Variants in VCL observed in about 807,000 individuals in gnomAD.
The protein encoded by VCL is epididymis luminal protein 114.
A neutral mutation model predicts 125.7 loss-of-function variants in VCL; 47 were observed. That is an observed-to-expected ratio of 0.37 (90% CI 0.30 to 0.48). The LOEUF is 0.48. Ranked by LOEUF, VCL falls within the 20% of genes least tolerant of loss-of-function variation. The pLI is 0.99. For synonymous variants in VCL, 458 were observed against 514.6 expected (o/e 0.89, Z 1.49); for missense variants, 1,069 against 1,455.5 (o/e 0.73, Z 4.32).
At chr10:74,037,864 G>GGTCTAAAACTGTATCA (rs1841011777) in intron 1 of VCL, among the ~76,000 whole-genome samples, 1 of 152,246 alleles carries the variant, frequency 6.6e-6, no homozygotes. Context: ...TTAGGATACA[G>GGTCTAAAACTGTATCA]TGAGGGTCTC....
rs1316658280 is a variant in VCL at position 74,119,880 on chromosome 10, G to GAT, written c.*1712_*1713dup. ...ATCACTTGTTGTTTTACTAAAGAAA[G>GAT]ATTACTTAGAGGAAATAAGAAAAAT... On this transcript the variant is annotated 3_prime_UTR_variant, in exon 22 of 22. Coordinates refer to ENST00000211998, the MANE Select transcript of VCL (RefSeq NM_014000.3). The GAT allele has an allele frequency of 2.0e-5, 3 of 152,222 alleles. No individual in the cohort carries two copies. The highest frequency in any genetic ancestry group is 7.3e-5 in the African/African-American group (3 of 41,136). 9.4% of individuals were successfully genotyped at this position (152,222 alleles called of 1,614,324 possible). A position where few individuals can be genotyped will look rare whatever the true frequency, so the allele number is the denominator to read the frequency against.
chr10:74,004,240 T>TA (rs1302073182), intron 1 of VCL, among the ~76,000 whole-genome samples: 17 of 152,168 alleles, frequency 1.1e-4, no homozygotes, highest in Admixed American at 2.0e-4. Flanking sequence ...AAGGAAAAAA[T>TA]AGAGTAAATA....
intron 13 of VCL, among the ~76,000 whole-genome samples, chr10:74,099,282 C>G (rs1564530939): frequency 2.0e-5 from 3 of 152,200 alleles, no homozygotes; most frequent in Admixed American, 6.5e-5. Context: ...ATTTCTGGCC[C>G]TAGCTATACC....
intron 2 of VCL, among the ~76,000 whole-genome samples, chr10:74,051,135 C>T (rs1841291356): frequency 6.6e-6 from 1 of 151,592 alleles, no homozygotes. Flanking sequence ...AGATGGGTTA[C>T]ACCATGTTGG....
At chr10:74,068,430 T>C (rs893657438) in intron 2 of VCL, among the ~76,000 whole-genome samples, 17 of 152,088 alleles carry the variant, frequency 1.1e-4, no homozygotes, top group Admixed American at 9.8e-4. Flanking sequence ...GTTCAAGTGA[T>C]TCTCCTGCCT....
intron 1 of VCL, among the ~76,000 whole-genome samples, chr10:73,998,802 C>T (rs1840167856): frequency 6.6e-6 from 1 of 152,182 alleles, no homozygotes; most frequent in African/African-American, 2.4e-5. Context: ...TCTGGCTGTG[C>T]GGGGGAGGGA....
chr10:74,007,176 G>T (rs540166193), intron 1 of VCL, among the ~76,000 whole-genome samples: 13 of 152,190 alleles, frequency 8.5e-5, no homozygotes, highest in African/African-American at 3.1e-4. Context: ...ATGGGGTTTT[G>T]CCATGTTGCC....
At chr10:74,087,085 T>C (rs1393308648) in intron 8 of VCL, among the ~76,000 whole-genome samples, 1 of 152,044 alleles carries the variant, frequency 6.6e-6, no homozygotes, top group Non-Finnish European at 1.5e-5. Context: ...TGGACTCTTT[T>C]AACAAAAAGA....
At chr10:74,106,849 G>GT (rs1281234439) in intron 16 of VCL, among the ~76,000 whole-genome samples, 4 of 152,210 alleles carry the variant, frequency 2.6e-5, no homozygotes, top group African/African-American at 7.2e-5. Context: ...TTCAGGGAAT[G>GT]TATGTCCAAT....
chr10:74,049,175 A>G (rs1841251774), intron 2 of VCL, among the ~76,000 whole-genome samples: 1 of 152,168 alleles, frequency 6.6e-6, no homozygotes, highest in Non-Finnish European at 1.5e-5. Flanking sequence ...GTGTATAATA[A>G]TATCCCTCTC....
In VCL at chr10:74,105,257, C is replaced by T. The variant is rs753445972; in HGVS notation, c.2338C>T (p.Arg780Cys). 8 of 1,613,914 alleles carry T rather than the reference C, an allele frequency of 5.0e-6. No individual in the cohort carries two copies. In the Admixed American group the frequency reaches 5.0e-5, roughly 10 times the overall value. ...GGAGAATTCCGAGGATCCCAAGTTC[C>T]GTGAGGCTGTGAAAGCTGCCTCTGA... ...EVENSEDPKF[R>C]EAVKAASDEL... The change falls in exon 16 of 22, where the codon CGT (arginine) becomes TGT (cysteine). Residue 780 changes from arginine (R) to cysteine (C), a missense_variant. Physicochemically the swap from Arg to Cys is radical, Grantham distance 180. Around this residue, in one of 6 missense-constraint regions of VCL, gnomAD observed 760 missense variants for 928.9 expected, o/e 0.82. Coordinates refer to ENST00000211998, the MANE Select transcript of VCL (RefSeq NM_014000.3).
chr10:74,082,037 C>T (rs2136279925), intron 6 of VCL, among the ~76,000 whole-genome samples: 1 of 152,272 alleles, frequency 6.6e-6, no homozygotes, highest in Admixed American at 6.5e-5. Flanking sequence ...TGATTTGTGG[C>T]ACCACATACT....
chr10:74,040,263 T>G (rs1564515350), intron 1 of VCL, among the ~76,000 whole-genome samples: 1 of 152,224 alleles, frequency 6.6e-6, no homozygotes, highest in Non-Finnish European at 1.5e-5. Flanking sequence ...GCAGGAAACT[T>G]TTTTTTATTC....
At chr10:74,075,135 T>C in intron 6 of VCL, 1 of 540,918 alleles carries the variant, frequency 1.8e-6, no homozygotes, top group South Asian at 2.1e-5. Flanking sequence ...GATACTGGTT[T>C]AAGGCTGAGA....
intron 1 of VCL, among the ~76,000 whole-genome samples, chr10:74,014,527 G>A (rs1279268613): frequency 6.7e-6 from 1 of 148,484 alleles, no homozygotes; most frequent in African/African-American, 2.5e-5. Context: ...GAGCCACTAT[G>A]CCCGGCCAGT....
In VCL at chr10:74,074,746, T is replaced by A. The variant is rs751243981; in HGVS notation, c.626T>A (p.Met209Lys). 21 of 1,613,160 alleles carry A rather than the reference T, an allele frequency of 1.3e-5. No individual in the cohort carries two copies. The highest frequency in any genetic ancestry group is 1.8e-5 in the Non-Finnish European group (21 of 1,179,766). Residue 209 changes from methionine (M) to lysine (K), a missense_variant, in exon 6 of 22, where the codon ATG becomes AAG. Physicochemically the swap from Met to Lys is moderately conservative, Grantham distance 95 (BLOSUM62 -1). Around this residue, in one of 6 missense-constraint regions of VCL, gnomAD observed 760 missense variants for 928.9 expected, o/e 0.82. Coordinates refer to ENST00000211998, the MANE Select transcript of VCL (RefSeq NM_014000.3). ...TTCTGATCTTTTATTTTTACAGCTATGAAGATTTTTGTAACAACTAAAAAC... is the reference window on the plus strand; with the variant it reads ...TTCTGATCTTTTATTTTTACAGCTAAGAAGATTTTTGTAACAACTAAAAAC... Reference protein sequence around the residue: ...KELLPVLISAMKIFVTTKNSK... With the variant: ...KELLPVLISAKKIFVTTKNSK...
intron 2 of VCL, among the ~76,000 whole-genome samples, chr10:74,062,219 C>G (rs1260960014): frequency 6.6e-6 from 1 of 151,976 alleles, no homozygotes; most frequent in Non-Finnish European, 1.5e-5. Flanking sequence ...GAGTGCACCA[C>G]CACACATGGC....
intron 1 of VCL, among the ~76,000 whole-genome samples, chr10:74,032,681 CAAAG>C (rs888220271): frequency 5.2e-5 from 7 of 133,512 alleles, no homozygotes; most frequent in Admixed American, 8.1e-5. Context: ...GCCTGGGTAA[CAAAG>C]TAAGTCTCGG....
At chr10:74,087,384 C>T (rs1384789399) in intron 8 of VCL, among the ~76,000 whole-genome samples, 2 of 129,972 alleles carry the variant, frequency 1.5e-5, no homozygotes, top group East Asian at 2.2e-4. Flanking sequence ...CTCGCTCTGT[C>T]GCCCAGGCTG....
Sources: allele counts gnomAD v4.1 joint callset (sites outside exome capture counted in the v4.1 genomes callset), GRCh38; gene constraint gnomAD v4.1.1; regional missense constraint gnomAD v4.1.1; transcripts MANE v1.5; gene names NCBI Gene and HGNC (gene_info 2026-07-23, HGNC 2026-07-21).